TMEM254: variants seen among roughly 807,000 people sequenced by gnomAD.
TMEM254 encodes the protein transmembrane protein 254, also known as transmembrane protein C10orf57.
Under a neutral mutation model 13.9 loss-of-function variants are expected in TMEM254, and 16 were observed. That is an observed-to-expected ratio of 1.15 (90% CI 0.78 to 1.75). TMEM254 has a LOEUF of 1.75. Among genes scored for constraint, TMEM254 ranks in the 40% most tolerant of loss-of-function variants. The pLI, the probability that TMEM254 is intolerant of heterozygous loss-of-function variation, is 0.00. For missense variants in TMEM254, 155 were observed against 149.0 expected (o/e 1.04, Z -0.21); for synonymous variants, 61 against 56.4 (o/e 1.08, Z -0.36).
chr10:80,088,003 T>C (rs1461280546), intron 3 of TMEM254, among the ~76,000 whole-genome samples: 5 of 152,226 alleles, frequency 3.3e-5, no homozygotes, highest in Non-Finnish European at 5.9e-5. Flanking sequence ...CTAACAGTTT[T>C]AGAATTTTTT....
chr10:80,079,735 C>G (rs1843872012), intron 1 of TMEM254: 2 of 981,776 alleles, frequency 2.0e-6, no homozygotes, highest in Non-Finnish European at 2.4e-6. Context: ...TTTTTTGAGA[C>G]GGAGTCTCGC....
chr10:80,086,293 G>A, intron 3 of TMEM254: 1 of 1,449,918 alleles, frequency 6.9e-7, no homozygotes, highest in Non-Finnish European at 9.1e-7. Context: ...ATGACCCCAG[G>A]AAAACCCTTC....
At chr10:80,081,313 A>G (rs529358540) in intron 1 of TMEM254, among the ~76,000 whole-genome samples, 2 of 152,220 alleles carry the variant, frequency 1.3e-5, no homozygotes, top group African/African-American at 4.8e-5. Flanking sequence ...CACCGTGGGC[A>G]CTGAGTCTGA....
At position 80,091,545 on chromosome 10, in the gene TMEM254, A is replaced by C. The variant is rs1263070454; in HGVS notation, c.*628A>C. 3 of 152,504 alleles carry C rather than the reference A, an allele frequency of 2.0e-5. No individual in the cohort carries two copies. Among genetic ancestry groups the C allele is most frequent in the Admixed American group, 2.0e-4 (3 of 15,288 alleles). The allele number at this position is 152,504 out of a possible 1,614,324, so 9.4% of individuals were successfully genotyped here. Reference sequence around the variant, plus strand: ...GCTGAGAACCTGGAGGGGAGACTGCAGAGTGCCTTCCCTGATGCTGCAGCC... The same window carrying C: ...GCTGAGAACCTGGAGGGGAGACTGCCGAGTGCCTTCCCTGATGCTGCAGCC... On this transcript the variant is annotated 3_prime_UTR_variant, in exon 4 of 4. Coordinates refer to ENST00000372281, the MANE Select transcript of TMEM254 (RefSeq NM_025125.4).
chr10:80,087,611 C>T (rs1394675542), intron 3 of TMEM254, among the ~76,000 whole-genome samples: 1 of 152,118 alleles, frequency 6.6e-6, no homozygotes, highest in Admixed American at 6.6e-5. Context: ...TGAGATCACA[C>T]CACTGCACTC....
intron 3 of TMEM254, among the ~76,000 whole-genome samples, chr10:80,083,170 A>G (rs985546615): frequency 2.8e-5 from 4 of 143,674 alleles, no homozygotes; most frequent in African/African-American, 1.0e-4. Context: ...GCAGTGGCGC[A>G]ATCTTGGCTC....
Position 80,081,947 on chromosome 10 carries a change from A to G in TMEM254, c.191+3A>G. ...CATCACACCCTCCTGTGCAATGGGT[A>G]AGGAGAGCTGCACAAGTGGACTGTG... On this transcript the variant is annotated splice_donor_region_variant and intron_variant, in intron 2 of 3. Coordinates refer to ENST00000372281, the MANE Select transcript of TMEM254 (RefSeq NM_025125.4). 1.2e-6 allele frequency: 2 copies of G among 1,613,098 alleles called. No individual in the cohort carries two copies. Among genetic ancestry groups the G allele is most frequent in the Non-Finnish European group, 1.7e-6 (2 of 1,179,184 alleles).
At chr10:80,087,539 G>T (rs1231687441) in intron 3 of TMEM254, among the ~76,000 whole-genome samples, 2 of 151,700 alleles carry the variant, frequency 1.3e-5, no homozygotes, top group Non-Finnish European at 1.5e-5. Context: ...TGTAATCCCA[G>T]CTACTCAGGA....
intron 3 of TMEM254, among the ~76,000 whole-genome samples, chr10:80,087,308 T>G (rs912111686): frequency 2.6e-5 from 4 of 152,078 alleles, no homozygotes; most frequent in African/African-American, 9.7e-5. Context: ...ATTTGTTCCC[T>G]TAGAAAAAAA....
chr10:80,090,740 T>G (rs542351378), intron 3 of TMEM254, 57 bp from the exon 4 acceptor site: 4 of 1,547,570 alleles, frequency 2.6e-6, no homozygotes, highest in African/African-American at 1.4e-5. Context: ...AGACAATAAC[T>G]CCCATGAAAC....
intron 1 of TMEM254, chr10:80,079,083 A>T (rs778094294): frequency 7.1e-7 from 1 of 1,412,342 alleles, no homozygotes; most frequent in Non-Finnish European, 9.4e-7. Flanking sequence ...GTTTTTCAAG[A>T]GGATGGTGAA....
chr10:80,078,676 C>G lies in TMEM254; in HGVS notation c.-24C>G, dbSNP rs1299573364. The G allele has an allele frequency of 6.3e-7, 1 of 1,577,042 alleles. No homozygotes were observed. Among genetic ancestry groups the G allele is most frequent in the Admixed American group, 1.8e-5 (1 of 55,990 alleles). On this transcript the variant is annotated 5_prime_UTR_variant, in exon 1 of 4. Transcript: ENST00000372281. ...TCGCGCTCGACGGTGTCCTGAAGCGCGCTCCCGGGGAGGTGTTGCAGCCAT... is the reference window on the plus strand; with the variant it reads ...TCGCGCTCGACGGTGTCCTGAAGCGGGCTCCCGGGGAGGTGTTGCAGCCAT...
intron 3 of TMEM254, among the ~76,000 whole-genome samples, chr10:80,089,508 A>G (rs1370159000): frequency 6.6e-6 from 1 of 152,060 alleles, no homozygotes; most frequent in Non-Finnish European, 1.5e-5. Flanking sequence ...CTGTCTCTAC[A>G]AAAAACAAAC....
chr10:80,083,300 C>T (rs1437026423), intron 3 of TMEM254, among the ~76,000 whole-genome samples: 1 of 152,092 alleles, frequency 6.6e-6, no homozygotes, highest in East Asian at 1.9e-4. Context: ...GACGGGGTTT[C>T]ACCATGTTGG....
chr10:80,086,234 A>G, intron 3 of TMEM254: 3 of 1,475,616 alleles, frequency 2.0e-6, no homozygotes, highest in Middle Eastern at 1.7e-4. Flanking sequence ...TAAATAGGCA[A>G]AATGAGCTAA....
chr10:80,090,780 TG>T lies in TMEM254; in HGVS notation c.252-16del. Reference sequence around the variant, plus strand: ...AGATTAACATCTCGTGTTTAAATTTTGTTTTTTCTGTTTTAGGCATAAAGGC... The same window carrying T: ...AGATTAACATCTCGTGTTTAAATTTTTTTTTTCTGTTTTAGGCATAAAGGC... On this transcript the variant is annotated splice_polypyrimidine_tract_variant and intron_variant, in intron 3 of 3. Coordinates refer to ENST00000372281, the MANE Select transcript of TMEM254 (RefSeq NM_025125.4). The T allele has an allele frequency of 6.2e-7, 1 of 1,603,732 alleles. No individual in the cohort carries two copies. Among genetic ancestry groups the T allele is most frequent in the Non-Finnish European group, 8.5e-7 (1 of 1,177,614 alleles).
At position 80,082,184 on chromosome 10, in the gene TMEM254, G is replaced by A. The variant is rs1844071502; in HGVS notation, c.231G>A (p.Leu77=). Residue 77 remains leucine (L), a synonymous_variant, in exon 3 of 4, where the codon TTG becomes TTA. Transcript: ENST00000372281. The part of the protein sequence containing the change: ...LAWLIHVGES[L]YAIVLCKHKG... ...GGCTGATTCATGTGGGAGAGTCCTT[G>A]TATGCCATAGTATTGTGCAAGTAAG... is the stretch of plus-strand genomic sequence containing the variant. 1 of 1,614,164 alleles carries A rather than the reference G, an allele frequency of 6.2e-7. No individual in the cohort carries two copies. The highest frequency in any genetic ancestry group is 2.2e-5 in the East Asian group (1 of 44,878).
chr10:80,079,004 C>T (rs766087287), intron 1 of TMEM254: 606 of 1,534,662 alleles, frequency 3.9e-4, no homozygotes, highest in Middle Eastern at 5.1e-4. Context: ...CCTGAGAAAC[C>T]GGCTAGCCAG....
Position 80,086,326 on chromosome 10 carries a change from T to C in TMEM254, c.251+4122T>C, listed in dbSNP as rs80330678. The stretch of plus-strand genomic sequence containing the variant: ...TTCTCCGGGTTACCTAGCCACCAAC[T>C]GTGACCCTTCTGAAGGAGGAGGAAA... On this transcript the variant is annotated intron_variant, in intron 3 of 3. Transcript: ENST00000372281. The C allele has an allele frequency of 9.4e-4, 1,159 of 1,227,536 alleles. 14 individuals are homozygous for C. In the African/African-American group the frequency reaches 0.016, roughly 17 times the overall value. The allele number at this position is 1,227,536 out of a possible 1,614,324, so 76.0% of individuals were successfully genotyped here. A position where few individuals can be genotyped will look rare whatever the true frequency, so the allele number is the denominator to read the frequency against.
Sources: gnomAD v4.1 joint callset for allele counts (sites outside exome capture counted in the v4.1 genomes callset) on GRCh38, gnomAD v4.1.1 for gene constraint, MANE v1.5 for transcripts, NCBI Gene and HGNC (gene_info 2026-07-23, HGNC 2026-07-21) for gene names.